Variants in COL25A1 observed in about 807,000 individuals in gnomAD.
The protein encoded by COL25A1 is collagen type XXV alpha 1 chain.
A neutral mutation model predicts 128.4 loss-of-function variants in COL25A1; 103 were observed. The observed-to-expected ratio is 0.80, with a 90% CI of 0.68 to 0.94. The LOEUF is 0.94. Among genes scored for constraint, COL25A1 ranks in the 40% least tolerant of loss-of-function variants. The pLI is 0.00. For missense variants in COL25A1, 745 were observed against 840.0 expected (o/e 0.89, Z 1.40); for synonymous variants, 279 against 277.2 (o/e 1.01, Z -0.06).
chr4:108,946,010 T>A (rs1748699098), intron 8 of COL25A1, among the ~76,000 whole-genome samples: 1 of 152,160 alleles, frequency 6.6e-6, no homozygotes, highest in Admixed American at 6.5e-5. Context: ...TTTGAATTCT[T>A]AAGAAATCGG....
At chr4:109,015,905 G>A (rs1757164751) in intron 5 of COL25A1, among the ~76,000 whole-genome samples, 1 of 152,240 alleles carries the variant, frequency 6.6e-6, no homozygotes, top group African/African-American at 2.4e-5. Flanking sequence ...TGGCCCATCT[G>A]GAGTGGCTGC....
chr4:109,256,708 G>A (rs1012490384), intron 3 of COL25A1, among the ~76,000 whole-genome samples: 6 of 152,074 alleles, frequency 3.9e-5, no homozygotes, highest in African/African-American at 1.4e-4. Flanking sequence ...GTTGACCTCT[G>A]ACTTGCCACT....
chr4:108,886,492 G>GTGTGTGTGTGTTTTTTTT (rs58157157), intron 18 of COL25A1, among the ~76,000 whole-genome samples: 2 of 109,248 alleles, frequency 1.8e-5, no homozygotes, highest in Admixed American at 9.0e-5. Flanking sequence ...GTGTGTGTGT[G>GTGTGTGTGTGTTTTTTTT]TTTAGCTCAT....
chr4:109,111,769 A>G (rs1355822849), intron 3 of COL25A1, among the ~76,000 whole-genome samples: 1 of 152,158 alleles, frequency 6.6e-6, no homozygotes, highest in Non-Finnish European at 1.5e-5. Context: ...ATATGTGTTT[A>G]CTTTTTTCTC....
chr4:109,012,901 G>C (rs1329553061), intron 5 of COL25A1, among the ~76,000 whole-genome samples: 1 of 152,236 alleles, frequency 6.6e-6, no homozygotes, highest in African/African-American at 2.4e-5. Context: ...AGCAGCCCTG[G>C]TGCGATCCAC....
At chr4:109,043,468 A>C (rs1760120964) in intron 5 of COL25A1, among the ~76,000 whole-genome samples, 2 of 152,070 alleles carry the variant, frequency 1.3e-5, no homozygotes, top group South Asian at 4.1e-4. Flanking sequence ...AGCAGGCTGC[A>C]CAACAGAGTC....
chr4:109,239,424 T>G (rs1158534), intron 3 of COL25A1, among the ~76,000 whole-genome samples: 41 of 107,238 alleles, frequency 3.8e-4, no homozygotes, highest in African/African-American at 5.3e-4. Context: ...ATATATATAT[T>G]TATTTATTTA....
chr4:109,130,440 C>T (rs1024528579), intron 3 of COL25A1, among the ~76,000 whole-genome samples: 1 of 151,646 alleles, frequency 6.6e-6, no homozygotes. Flanking sequence ...AAAAAAATAA[C>T]GTAAGAATTC....
chr4:109,148,554 C>T lies in COL25A1; in HGVS notation c.368-98375G>A, dbSNP rs926138222. 3.3e-5 allele frequency among the ~76,000 whole-genome samples: 5 copies of T among 152,184 alleles called. No homozygotes were observed. The South Asian group carries it at 8.3e-4, about 25-fold the overall frequency. Reference sequence around the variant, plus strand: ...TAGTCTCCTGAGTCTGTTTCCTGGTCTCCCTTCACACTGCCCTGCTCTATT... The same window carrying T: ...TAGTCTCCTGAGTCTGTTTCCTGGTTTCCCTTCACACTGCCCTGCTCTATT... On this transcript the variant is annotated intron_variant, in intron 3 of 37. Coordinates refer to ENST00000399132, the MANE Select transcript of COL25A1 (RefSeq NM_198721.4).
intron 3 of COL25A1, among the ~76,000 whole-genome samples, chr4:109,102,376 G>A (rs1306849957): frequency 1.3e-5 from 2 of 151,922 alleles, no homozygotes; most frequent in East Asian, 3.9e-4. Context: ...TTCCTGTATG[G>A]TATCAATCCT....
intron 3 of COL25A1, among the ~76,000 whole-genome samples, chr4:109,069,984 T>A (rs13131524): frequency 0.31 from 46,147 of 149,468 alleles, 8,354 homozygotes; most frequent in East Asian, 0.42. Flanking sequence ...TTTTTTTTTT[T>A]AAACCCTCTC....
intron 3 of COL25A1, among the ~76,000 whole-genome samples, chr4:109,259,921 T>C (rs1234696444): frequency 6.6e-6 from 1 of 152,236 alleles, no homozygotes; most frequent in African/African-American, 2.4e-5. Flanking sequence ...CTATCATCCA[T>C]GCATTGCATG....
intron 3 of COL25A1, among the ~76,000 whole-genome samples, chr4:109,156,672 G>C (rs1433269031): frequency 6.6e-6 from 1 of 152,108 alleles, no homozygotes; most frequent in Admixed American, 6.5e-5. Context: ...TGGGAAAAAG[G>C]ATAATTTAGG....
intron 8 of COL25A1, among the ~76,000 whole-genome samples, chr4:108,955,762 A>T (rs1749999806): frequency 7.2e-6 from 1 of 139,634 alleles, no homozygotes; most frequent in Non-Finnish European, 1.5e-5. Flanking sequence ...AACTGACAAT[A>T]AATGTGAATA....
At chr4:109,148,096 G>C (rs1361094101) in intron 3 of COL25A1, among the ~76,000 whole-genome samples, 1 of 152,076 alleles carries the variant, frequency 6.6e-6, no homozygotes, top group Non-Finnish European at 1.5e-5. Context: ...ACTACACAGA[G>C]AAAGTACCAA....
chr4:108,974,185 A>G (rs541038627), intron 8 of COL25A1, among the ~76,000 whole-genome samples, 182 bp downstream of exon 8: 1 of 152,364 alleles, frequency 6.6e-6, no homozygotes, highest in Non-Finnish European at 1.5e-5. Context: ...AGTAAAGATA[A>G]TGCAACAGAA....
chr4:108,844,402 C>T, intron 30 of COL25A1, 117 bp downstream of exon 30: 1 of 1,544,878 alleles, frequency 6.5e-7, no homozygotes, highest in Non-Finnish European at 8.9e-7. Context: ...ATTTTCCATC[C>T]ATTCCACAGA....
At chr4:109,212,891 C>G (rs906599937) in intron 3 of COL25A1, among the ~76,000 whole-genome samples, 1 of 152,110 alleles carries the variant, frequency 6.6e-6, no homozygotes, top group African/African-American at 2.4e-5. Context: ...CGGCAGAAGA[C>G]AGTAAGAGAG....
rs200500844 is a variant in COL25A1 at position 108,860,573 on chromosome 4, C to CT, written c.1242+353dup. 4.4e-3 allele frequency among the ~76,000 whole-genome samples: 661 copies of CT among 151,090 alleles called. 3 individuals carry two copies. The highest frequency in any genetic ancestry group is 7.3e-3 in the African/African-American group (300 of 41,170). ...TTTCCATTAGTCATGTCATAATTCC[C>CT]TTTTTTTTTAAAAAAAGACACTGAA... On this transcript the variant is annotated intron_variant, in intron 23 of 37. Coordinates refer to ENST00000399132, the MANE Select transcript of COL25A1 (RefSeq NM_198721.4).
Sources: gnomAD v4.1 joint callset for allele counts (sites outside exome capture counted in the v4.1 genomes callset) on GRCh38, gnomAD v4.1.1 for gene constraint, MANE v1.5 for transcripts, NCBI Gene and HGNC (gene_info 2026-07-23, HGNC 2026-07-21) for gene names.